GPX3: variants seen among roughly 807,000 people sequenced by gnomAD.
GPX3 encodes glutathione peroxidase 3, also known as GPx-3.
Under a neutral mutation model 25.1 loss-of-function variants are expected in GPX3, and 22 were observed. That is an observed-to-expected ratio of 0.88 (90% CI 0.63 to 1.25). The LOEUF is 1.25. Among genes scored for constraint, GPX3 ranks in the 50% most tolerant of loss-of-function variants. The pLI is 0.00. For synonymous variants in GPX3, 110 were observed against 114.5 expected, an observed-to-expected ratio of 0.96 and a Z score of 0.25; for missense variants, 278 against 286.6, an observed-to-expected ratio of 0.97 and a Z score of 0.22.
rs1581700757 is a variant in GPX3 at position 151,028,780 on chromosome 5, G to C, written c.*650G>C. On this transcript the variant is annotated 3_prime_UTR_variant, in exon 5 of 5. Coordinates refer to ENST00000388825, the MANE Select transcript of GPX3 (RefSeq NM_002084.5). Reference sequence around the variant, plus strand: ...AGCAAGGGCCACGGACCCCATGGCAGGGGTGGCGTCTTCATGAGGGAGGGG... The same window carrying C: ...AGCAAGGGCCACGGACCCCATGGCACGGGTGGCGTCTTCATGAGGGAGGGG... 2 of 153,642 alleles carry C rather than the reference G, an allele frequency of 1.3e-5. No individual in the cohort carries two copies. Among genetic ancestry groups the C allele is most frequent in the East Asian group, 3.8e-4 (2 of 5,294 alleles). The allele number at this position is 153,642 out of a possible 1,614,324, so 9.5% of individuals were successfully genotyped here. A position where few individuals can be genotyped will look rare whatever the true frequency, so the allele number is the denominator to read the frequency against.
rs1756604996 is a variant in GPX3, at chr5:151,028,543, C to T, written c.*413C>T. 5.2e-6 allele frequency: 1 copy of T among 193,310 alleles called. No homozygotes were observed. The highest frequency in any genetic ancestry group is 1.1e-5 in the Non-Finnish European group (1 of 91,188). The allele number at this position is 193,310 out of a possible 1,614,324, so 12.0% of individuals were successfully genotyped here. ...ACCAGCTCTAGGTCCAATTGTTCTG[C>T]TCTAACTGATACCTCAACCTTGGGG... On this transcript the variant is annotated 3_prime_UTR_variant, in exon 5 of 5. Coordinates refer to ENST00000388825, the MANE Select transcript of GPX3 (RefSeq NM_002084.5).
At position 151,025,478 on chromosome 5, in the gene GPX3, A is replaced by T; in HGVS notation, c.226A>T (p.Thr76Ser). ...FVNVASYUGL[T>S]GQYIELNALQ... is the part of the protein sequence containing the mutation. ...CAACGTGGCCAGCTACTGAGGCCTGACGGGCCAGTACATTGGTAAGAGCCC... is the reference window on the plus strand; with the variant it reads ...CAACGTGGCCAGCTACTGAGGCCTGTCGGGCCAGTACATTGGTAAGAGCCC... The change falls in exon 2 of 5, where the codon ACG becomes TCG. Residue 76 changes from threonine to serine, a missense_variant. Physicochemically the swap from Thr to Ser is moderately conservative, Grantham distance 58. Transcript: ENST00000388825. The T allele has an allele frequency of 6.2e-7, 1 of 1,609,612 alleles. No individual in the cohort carries two copies. The highest frequency in any genetic ancestry group is 1.7e-5 in the Admixed American group (1 of 59,538).
chr5:151,024,637 A>G (rs1449388955), intron 1 of GPX3, among the ~76,000 whole-genome samples: 1 of 152,236 alleles, frequency 6.6e-6, no homozygotes, highest in Non-Finnish European at 1.5e-5. Context: ...GGAGGAAGGC[A>G]TAAGGGTCAT....
In GPX3 at chr5:151,028,029, C is replaced by T; in HGVS notation, c.580C>T (p.Pro194Ser). 1 of 1,614,064 alleles carries T rather than the reference C, an allele frequency of 6.2e-7. No homozygotes were observed. The highest frequency in any genetic ancestry group is 8.5e-7 in the Non-Finnish European group (1 of 1,179,972). Residue 194 changes from proline (P) to serine (S), a missense_variant, in exon 5 of 5, where the codon CCC (proline) becomes TCC (serine). Pro to Ser is a moderately conservative substitution (Grantham distance 74, BLOSUM62 -1). Coordinates refer to ENST00000388825, the MANE Select transcript of GPX3 (RefSeq NM_002084.5). ...EKFLVGPDGIPIMRWHHRTTV... is the reference protein window; with the variant it reads ...EKFLVGPDGISIMRWHHRTTV... The stretch of plus-strand genomic sequence containing the variant: ...GTTCCTGGTGGGGCCAGATGGTATA[C>T]CCATCATGCGCTGGCACCACCGGAC...
At chr5:151,026,072 A>G (rs1209258655) in intron 2 of GPX3, among the ~76,000 whole-genome samples, 2 of 152,240 alleles carry the variant, frequency 1.3e-5, no homozygotes, top group Non-Finnish European at 2.9e-5. Flanking sequence ...CAGGGTCACA[A>G]AGCTATTAGC....
intron 4 of GPX3, 85 bp from the exon 5 acceptor site, chr5:151,027,824 C>A: frequency 8.7e-7 from 1 of 1,148,480 alleles, no homozygotes; most frequent in Non-Finnish European, 1.3e-6. Context: ...TTTCTCAGGG[C>A]CAGGCTATTC....
rs1278303772 is a variant in GPX3, at chr5:151,026,919, A to G, written c.261A>G (p.Glu87=). ...GQYIELNALQ[E]ELAPFGLVIL... ...GCCCAGAACTGAATGCACTACAGGA[A>G]GAGCTTGCACCATTCGGTCTGGTCA... Residue 87 remains glutamate, a synonymous_variant, in exon 3 of 5, where the codon GAA becomes GAG. Coordinates refer to ENST00000388825, the MANE Select transcript of GPX3 (RefSeq NM_002084.5). 1 of 1,612,378 alleles carries G rather than the reference A, an allele frequency of 6.2e-7. No homozygotes were observed. The highest frequency in any genetic ancestry group is 1.7e-5 in the Admixed American group (1 of 60,010).
chr5:151,024,607 T>C (rs1313331784), intron 1 of GPX3, among the ~76,000 whole-genome samples: 1 of 152,206 alleles, frequency 6.6e-6, no homozygotes, highest in African/African-American at 2.4e-5. Flanking sequence ...GGAGGCTGAC[T>C]GTGAGCAGCA....
intron 1 of GPX3, 70 bp downstream of exon 1, chr5:151,020,811 T>C: frequency 1.5e-6 from 2 of 1,373,396 alleles, no homozygotes; most frequent in Non-Finnish European, 2.0e-6. Context: ...CTCAGTGCAA[T>C]GCACCCCTTT....
intron 2 of GPX3, 89 bp from the exon 3 acceptor site, chr5:151,026,811 G>A (rs869975): frequency 0.098 from 89,418 of 909,576 alleles, 7,520 homozygotes; most frequent in East Asian, 0.39. Flanking sequence ...TAGTTCCAGC[G>A]GCACAGCGGG....
chr5:151,028,216 C>A lies in GPX3; in HGVS notation c.*86C>A. On this transcript the variant is annotated 3_prime_UTR_variant, in exon 5 of 5. Coordinates refer to ENST00000388825, the MANE Select transcript of GPX3 (RefSeq NM_002084.5). ...CCGTGTCTCCAACCACACTATCTAC[C>A]CATCACAGACCCCTTTCCTATCACT... 1 of 1,160,412 alleles carries A rather than the reference C, an allele frequency of 8.6e-7. No homozygotes were observed. The highest frequency in any genetic ancestry group is 1.3e-6 in the Non-Finnish European group (1 of 796,994). 71.9% of individuals were successfully genotyped at this position (1,160,412 alleles called of 1,614,324 possible).
chr5:151,021,561 G>A (rs907273864), intron 1 of GPX3: 2 of 152,292 alleles, frequency 1.3e-5, no homozygotes. Flanking sequence ...AGGAAACCTG[G>A]TAGTTGGAGA....
intron 2 of GPX3, chr5:151,026,629 G>C (rs1581699113): frequency 2.7e-6 from 1 of 372,762 alleles, no homozygotes; most frequent in East Asian, 4.3e-5. Flanking sequence ...CCCAGGTGGA[G>C]GGCCTTGGCA....
chr5:151,026,131 ACTCCTTT>A (rs1475544209), intron 2 of GPX3, among the ~76,000 whole-genome samples: 60 of 152,096 alleles, frequency 3.9e-4, no homozygotes, highest in Non-Finnish European at 5.9e-4. Context: ...TGATATGCTT[ACTCCTTT>A]CTCCCTAGCT....
At chr5:151,021,591 CAGA>C (rs1437298448) in intron 1 of GPX3, 4 of 152,424 alleles carry the variant, frequency 2.6e-5, no homozygotes, top group East Asian at 1.9e-4. Flanking sequence ...ACTGCTAATT[CAGA>C]AGAAGAGGTA....
chr5:151,028,711 TGAGA>T lies in GPX3; in HGVS notation c.*586_*589del, dbSNP rs1331108620. On this transcript the variant is annotated 3_prime_UTR_variant, in exon 5 of 5. Transcript: ENST00000388825. ...TACATCCCCACCCCACAGTTCTCCC[TGAGA>T]GAGATCAACCTCCCTGAGATCAACC... The T allele has an allele frequency of 6.4e-6, 1 of 155,236 alleles. No individual in the cohort carries two copies. Among genetic ancestry groups the T allele is most frequent in the African/African-American group, 2.4e-5 (1 of 41,394 alleles). 9.6% of individuals were successfully genotyped at this position (155,236 alleles called of 1,614,324 possible). A position where few individuals can be genotyped will look rare whatever the true frequency, so the allele number is the denominator to read the frequency against.
chr5:151,022,046 G>A (rs1756485218), intron 1 of GPX3, among the ~76,000 whole-genome samples: 1 of 152,124 alleles, frequency 6.6e-6, no homozygotes, highest in Non-Finnish European at 1.5e-5. Flanking sequence ...GCCTCTCCTT[G>A]GAGTCAGTCT....
rs776064760 is a variant in GPX3, at chr5:151,027,439, C to T, written c.367C>T (p.Arg123Ter). 1.6e-5 allele frequency: 26 copies of T among 1,611,292 alleles called. No homozygotes were observed. Among genetic ancestry groups the T allele is most frequent in the South Asian group, 7.7e-5 (7 of 91,008 alleles). Residue 123 changes from arginine (R) to a stop codon, truncating the protein, a stop_gained, in exon 4 of 5, where the codon CGA becomes TGA. Coordinates refer to ENST00000388825, the MANE Select transcript of GPX3 (RefSeq NM_002084.5). LOFTEE classifies it high-confidence loss of function. ...SEILPTLKYVRPGGGFVPNFQ... is the reference protein window; with the variant it reads ...SEILPTLKYV The stretch of plus-strand genomic sequence containing the variant: ...AAGAACATTTCTCAACAGGTATGTC[C>T]GACCAGGTGGAGGCTTTGTCCCTAA...
intron 1 of GPX3, among the ~76,000 whole-genome samples, chr5:151,023,236 G>A (rs1396191261): frequency 6.6e-6 from 1 of 152,146 alleles, no homozygotes; most frequent in Non-Finnish European, 1.5e-5. Flanking sequence ...GCTCATAGAG[G>A]ACTGAGTTGC....
Sources: allele counts gnomAD v4.1 joint callset (sites outside exome capture counted in the v4.1 genomes callset), GRCh38; gene constraint gnomAD v4.1.1; transcripts MANE v1.5; gene names NCBI Gene and HGNC (gene_info 2026-07-23, HGNC 2026-07-21).